RBMS1: variants seen among roughly 807,000 people sequenced by gnomAD.
RBMS1 encodes the protein RNA-binding motif, single-stranded-interacting protein 1.
In RBMS1, 17 loss-of-function variants were observed where a neutral mutation model predicts 62.3. That is an observed-to-expected ratio of 0.27 (90% CI 0.19 to 0.41). The LOEUF is 0.41. Ranked by LOEUF, RBMS1 falls within the 10% of genes least tolerant of loss-of-function variation. The pLI is 1.00. For missense variants in RBMS1, 334 were observed against 504.5 expected (o/e 0.66, Z 3.24); for synonymous variants, 172 against 170.0 (o/e 1.01, Z -0.09).
chr2:160,368,237 C>G (rs1693516023), intron 1 of RBMS1, among the ~76,000 whole-genome samples: 1 of 152,170 alleles, frequency 6.6e-6, no homozygotes, highest in Non-Finnish European at 1.5e-5. Flanking sequence ...GGCACGTAAC[C>G]CCAAGTGTCC....
intron 2 of RBMS1, among the ~76,000 whole-genome samples, chr2:160,324,884 A>ATG (rs1559383305): frequency 1.1e-3 from 52 of 49,380 alleles, no homozygotes; most frequent in African/African-American, 2.8e-3. Context: ...GTGTGTGTGT[A>ATG]TATATATATA....
chr2:160,366,425 G>C (rs1693402218), intron 2 of RBMS1, among the ~76,000 whole-genome samples: 1 of 152,156 alleles, frequency 6.6e-6, no homozygotes, highest in African/African-American at 2.4e-5. Context: ...ATTGTCTTAG[G>C]ATAAATAAAA....
At chr2:160,465,058 G>C (rs1275064007) in intron 1 of RBMS1, among the ~76,000 whole-genome samples, 1 of 152,122 alleles carries the variant, frequency 6.6e-6, no homozygotes, top group Non-Finnish European at 1.5e-5. Flanking sequence ...TGAATCTTGA[G>C]GATGTTCCAA....
intron 5 of RBMS1, among the ~76,000 whole-genome samples, chr2:160,303,068 C>A (rs1170934834): frequency 2.6e-5 from 4 of 152,196 alleles, no homozygotes; most frequent in Non-Finnish European, 4.4e-5. Flanking sequence ...TAAGGACACA[C>A]ACACGTTCAG....
intron 6 of RBMS1, among the ~76,000 whole-genome samples, chr2:160,294,374 T>C (rs540893724): frequency 6.6e-4 from 100 of 152,264 alleles, no homozygotes; most frequent in African/African-American, 2.3e-3. Flanking sequence ...ACTGTAACCA[T>C]GTGCTTTATT....
At chr2:160,480,915 C>A (rs1435108024) in intron 1 of RBMS1, among the ~76,000 whole-genome samples, 1 of 151,754 alleles carries the variant, frequency 6.6e-6, no homozygotes, top group Non-Finnish European at 1.5e-5. Flanking sequence ...CCCATCTCTA[C>A]TAAAAATACA....
chr2:160,401,529 A>C (rs143367059), intron 1 of RBMS1, among the ~76,000 whole-genome samples: 1 of 152,226 alleles, frequency 6.6e-6, no homozygotes, highest in Non-Finnish European at 1.5e-5. Flanking sequence ...TAAGCAAAGC[A>C]TTCTGTACAG....
chr2:160,322,784 C>G (rs183022530), intron 2 of RBMS1, among the ~76,000 whole-genome samples: 6 of 152,286 alleles, frequency 3.9e-5, no homozygotes, highest in African/African-American at 1.4e-4. Flanking sequence ...CCTTGAAATC[C>G]GTCAGGCCCT....
chr2:160,349,155 G>A (rs1189776278), intron 2 of RBMS1, among the ~76,000 whole-genome samples: 1 of 152,100 alleles, frequency 6.6e-6, no homozygotes, highest in Non-Finnish European at 1.5e-5. Flanking sequence ...AGGCACAGTA[G>A]GAAAGAGTAT....
chr2:160,354,568 C>T (rs1436985938), intron 2 of RBMS1, among the ~76,000 whole-genome samples: 3 of 152,124 alleles, frequency 2.0e-5, no homozygotes, highest in East Asian at 3.9e-4. Context: ...CAATTTGTTT[C>T]GAGGACCACA....
chr2:160,399,310 T>C (rs2105228338), intron 1 of RBMS1, among the ~76,000 whole-genome samples: 1 of 152,282 alleles, frequency 6.6e-6, no homozygotes, highest in South Asian at 2.1e-4. Flanking sequence ...TGTATGCACA[T>C]TTTGCATACA....
At chr2:160,307,683 C>T (rs189809863) in intron 4 of RBMS1, among the ~76,000 whole-genome samples, 53 of 152,354 alleles carry the variant, frequency 3.5e-4, no homozygotes, top group Non-Finnish European at 5.7e-4. Context: ...TAATTTTAAA[C>T]TGTCCCTTTC....
intron 4 of RBMS1, among the ~76,000 whole-genome samples, chr2:160,306,345 A>C (rs1689523248): frequency 6.6e-6 from 1 of 152,214 alleles, no homozygotes; most frequent in Admixed American, 6.5e-5. Flanking sequence ...TCAACTTGAA[A>C]GTTTACCGAT....
chr2:160,397,957 G>A (rs1044261902), intron 1 of RBMS1, among the ~76,000 whole-genome samples: 1 of 152,046 alleles, frequency 6.6e-6, no homozygotes, highest in African/African-American at 2.4e-5. Flanking sequence ...TGTGCTCCCC[G>A]AAGTCTGTCC....
At chr2:160,423,892 C>T (rs1696532308) in intron 1 of RBMS1, among the ~76,000 whole-genome samples, 1 of 152,170 alleles carries the variant, frequency 6.6e-6, no homozygotes, top group African/African-American at 2.4e-5. Context: ...TCTATCTGTC[C>T]ATTTCACTGG....
intron 1 of RBMS1, among the ~76,000 whole-genome samples, chr2:160,484,961 TTTGTTTCCTTC>T (rs1489357051): frequency 6.6e-6 from 1 of 152,164 alleles, no homozygotes; most frequent in African/African-American, 2.4e-5. Flanking sequence ...ACTTTGTCTT[TTTGTTTCCTTC>T]TGGTTGCCAG....
chr2:160,307,322 G>C (rs1689587221), intron 4 of RBMS1, among the ~76,000 whole-genome samples: 1 of 150,522 alleles, frequency 6.6e-6, no homozygotes, highest in African/African-American at 2.5e-5. Flanking sequence ...GGATGGAGAG[G>C]GGGGATTATA....
At chr2:160,345,738 TCA>T (rs1382950849) in intron 2 of RBMS1, among the ~76,000 whole-genome samples, 1 of 152,158 alleles carries the variant, frequency 6.6e-6, no homozygotes. Flanking sequence ...GGGATAATAT[TCA>T]GTTTTCCAGT....
At position 160,408,032 on chromosome 2, in the gene RBMS1, G is replaced by T. The variant is rs545781527; in HGVS notation, c.76-40641C>A. ...GCCCCATCGCCCGCCCGGCCCCCGC[G>T]CTCTCCCTCCCGGGATCGGGGCCGG... is the stretch of plus-strand genomic sequence containing the variant. On this transcript the variant is annotated intron_variant, in intron 1 of 13. Coordinates refer to ENST00000348849, the MANE Select transcript of RBMS1 (RefSeq NM_016836.4). 1.7e-3 allele frequency: 1,097 copies of T among 644,214 alleles called. 8 individuals carry two copies. In the African/African-American group the frequency reaches 0.018, roughly 11 times the overall value. 39.9% of individuals were successfully genotyped at this position (644,214 alleles called of 1,614,324 possible). A position where few individuals can be genotyped will look rare whatever the true frequency, so the allele number is the denominator to read the frequency against.
Sources: allele counts gnomAD v4.1 joint callset (sites outside exome capture counted in the v4.1 genomes callset), GRCh38; gene constraint gnomAD v4.1.1; transcripts MANE v1.5; gene names NCBI Gene and HGNC (gene_info 2026-07-23, HGNC 2026-07-21).